The following MCUB variants were observed in gnomAD, a reference collection of about 807,000 sequenced individuals.
The protein encoded by MCUB is mitochondrial calcium uniporter dominant negative subunit beta.
MCUB carries 46 observed loss-of-function variants against 41.4 expected under a neutral mutation model. The ratio of observed to expected loss-of-function variants is 1.11; its 90% confidence interval spans 0.88 to 1.42. The LOEUF is 1.42. MCUB is among the 40% of genes most tolerant of loss of function. The pLI, the probability that MCUB is intolerant of heterozygous loss-of-function variation, is 0.00. For synonymous variants in MCUB, 148 were observed against 148.2 expected, an observed-to-expected ratio of 1.00 and a Z score of 0.01; for missense variants, 403 against 404.9, an observed-to-expected ratio of 1.00 and a Z score of 0.04.
chr4:109,564,521 A>G (rs1328859632), intron 1 of MCUB, among the ~76,000 whole-genome samples: 1 of 152,172 alleles, frequency 6.6e-6, no homozygotes, highest in African/African-American at 2.4e-5. Context: ...TATTCCAAAA[A>G]AATTATCTTC....
At chr4:109,669,199 T>C (rs961268491) in intron 4 of MCUB, among the ~76,000 whole-genome samples, 1 of 152,196 alleles carries the variant, frequency 6.6e-6, no homozygotes, top group Non-Finnish European at 1.5e-5. Flanking sequence ...TAATATTTCT[T>C]GCAAGGCAGG....
intron 4 of MCUB, 40 bp from the exon 5 acceptor site, chr4:109,682,542 A>G: frequency 7.7e-6 from 12 of 1,549,704 alleles, no homozygotes; most frequent in Non-Finnish European, 1.0e-5. Flanking sequence ...CTGCGGGAAC[A>G]ATGTGGTGAC....
At chr4:109,678,956 G>C (rs757595235) in intron 4 of MCUB, among the ~76,000 whole-genome samples, 20 of 145,260 alleles carry the variant, frequency 1.4e-4, no homozygotes, top group Non-Finnish European at 2.4e-4. Flanking sequence ...GGGCAGAGGC[G>C]CTCCTCACTT....
chr4:109,604,640 T>A (rs144421125), intron 1 of MCUB, among the ~76,000 whole-genome samples: 1,937 of 152,326 alleles, frequency 0.013, 36 homozygotes, highest in African/African-American at 0.039. Context: ...AGTATGATAC[T>A]AACTGTGGGT....
At chr4:109,591,575 A>C (rs1727438188) in intron 1 of MCUB, among the ~76,000 whole-genome samples, 1 of 152,194 alleles carries the variant, frequency 6.6e-6, no homozygotes, top group East Asian at 1.9e-4. Context: ...GGGAGGGGGA[A>C]GTATATATAT....
At position 109,614,778 on chromosome 4, in the gene MCUB, G is replaced by A. The variant is rs76991518; in HGVS notation, c.100-44233G>A. ...TCAGCTCTAGAATCAGACCAGACAT[G>A]AAGAAAACGCCTTATAGAGACTGCC... On this transcript the variant is annotated intron_variant, in intron 1 of 7. Coordinates refer to ENST00000394650, the MANE Select transcript of MCUB (RefSeq NM_017918.5). 5.0e-3 allele frequency among the ~76,000 whole-genome samples: 767 copies of A among 152,002 alleles called. 3 individuals are homozygous for A. The highest frequency in any genetic ancestry group is 8.7e-3 in the Non-Finnish European group (592 of 67,998).
chr4:109,581,208 A>C (rs1331379176), intron 1 of MCUB, among the ~76,000 whole-genome samples: 1 of 152,206 alleles, frequency 6.6e-6, no homozygotes, highest in African/African-American at 2.4e-5. Flanking sequence ...AACAGAACAG[A>C]GCCCTCAGAA....
In MCUB at chr4:109,685,119, G is replaced by T; in HGVS notation, c.817-132G>T. On this transcript the variant is annotated intron_variant, in intron 6 of 7. Coordinates refer to ENST00000394650, the MANE Select transcript of MCUB (RefSeq NM_017918.5). ...TGTGTTGGCTTATGCTTACTCTCAT[G>T]GCCATTGCAAATATTTCACTCATTC... is the stretch of plus-strand genomic sequence containing the variant. 4 of 582,604 alleles carry T rather than the reference G, an allele frequency of 6.9e-6. No individual in the cohort carries two copies. In the South Asian group the frequency reaches 9.5e-5, roughly 14 times the overall value. The allele number at this position is 582,604 out of a possible 1,614,324, so 36.1% of individuals were successfully genotyped here. A position where few individuals can be genotyped will look rare whatever the true frequency, so the allele number is the denominator to read the frequency against.
At chr4:109,575,351 T>TATGAC (rs1727002543) in intron 1 of MCUB, among the ~76,000 whole-genome samples, 1 of 152,238 alleles carries the variant, frequency 6.6e-6, no homozygotes, top group Non-Finnish European at 1.5e-5. Flanking sequence ...ATATTATTAA[T>TATGAC]CTTTCTGTAA....
chr4:109,661,664 G>A (rs979585763), intron 3 of MCUB, among the ~76,000 whole-genome samples: 4 of 152,116 alleles, frequency 2.6e-5, no homozygotes, highest in African/African-American at 9.7e-5. Flanking sequence ...AGATGTGTGT[G>A]GGCAGGGGTG....
chr4:109,675,774 T>C (rs1729562251), intron 4 of MCUB, among the ~76,000 whole-genome samples: 2 of 152,184 alleles, frequency 1.3e-5, no homozygotes, highest in Non-Finnish European at 2.9e-5. Flanking sequence ...GGCAGTAGGT[T>C]CCTTATAAAA....
At chr4:109,678,789 G>GCA (rs1729643185) in intron 4 of MCUB, among the ~76,000 whole-genome samples, 1 of 143,830 alleles carries the variant, frequency 7.0e-6, no homozygotes, top group Non-Finnish European at 1.5e-5. Context: ...GACGATGGGT[G>GCA]GCCGGGCAGA....
chr4:109,637,730 T>G (rs1270800531), intron 1 of MCUB, among the ~76,000 whole-genome samples: 2 of 152,094 alleles, frequency 1.3e-5, no homozygotes, highest in Non-Finnish European at 2.9e-5. Context: ...AATGATACAG[T>G]GTACTTTGGG....
chr4:109,687,809 A>G lies in MCUB; in HGVS notation c.*217A>G. ...GGGCTTGTATGCGTCTATCAAAGCA[A>G]CGGTGGCTGCTGTTAGCTAAAAATC... On this transcript the variant is annotated 3_prime_UTR_variant, in exon 8 of 8. Transcript: ENST00000394650. 1 of 535,288 alleles carries G rather than the reference A, an allele frequency of 1.9e-6. No individual in the cohort carries two copies. The highest frequency in any genetic ancestry group is 3.3e-6 in the Non-Finnish European group (1 of 306,200). 33.2% of individuals were successfully genotyped at this position (535,288 alleles called of 1,614,324 possible).
At chr4:109,667,679 C>T (rs980526966) in intron 4 of MCUB, among the ~76,000 whole-genome samples, 1 of 149,630 alleles carries the variant, frequency 6.7e-6, no homozygotes, top group African/African-American at 2.4e-5. Context: ...TATTTATTAT[C>T]TCTTTTCTTC....
intron 4 of MCUB, among the ~76,000 whole-genome samples, chr4:109,680,486 G>T (rs759539578): frequency 5.4e-5 from 8 of 148,878 alleles, no homozygotes; most frequent in Non-Finnish European, 4.4e-5. Context: ...ATTTACCCTT[G>T]CTGTTTTAGT....
intron 1 of MCUB, among the ~76,000 whole-genome samples, chr4:109,603,680 G>C (rs182566315): frequency 6.8e-6 from 1 of 147,912 alleles, no homozygotes; most frequent in Non-Finnish European, 1.5e-5. Context: ...CCACCACCCC[G>C]TCTGGGAACT....
intron 2 of MCUB, among the ~76,000 whole-genome samples, chr4:109,659,486 AGATTGAG>A (rs1729177920): frequency 1.3e-5 from 2 of 152,074 alleles, no homozygotes; most frequent in African/African-American, 4.8e-5. Context: ...GCTACCCAAG[AGATTGAG>A]GTGGGAAGAT....
At chr4:109,619,050 A>G (rs1041393604) in intron 1 of MCUB, among the ~76,000 whole-genome samples, 33 of 146,788 alleles carry the variant, frequency 2.2e-4, no homozygotes, top group South Asian at 7.0e-4. Context: ...CTACCTACCT[A>G]CCTACCTACC....
Sources: allele counts gnomAD v4.1 joint callset (sites outside exome capture counted in the v4.1 genomes callset), GRCh38; gene constraint gnomAD v4.1.1; transcripts MANE v1.5; gene names NCBI Gene and HGNC (gene_info 2026-07-23, HGNC 2026-07-21).